NABP1: variants seen among roughly 807,000 people sequenced by gnomAD.
NABP1 encodes SOSS complex subunit B2.
Under a neutral mutation model 25.0 loss-of-function variants are expected in NABP1, and 18 were observed. The observed-to-expected ratio is 0.72, with a 90% CI of 0.50 to 1.07. The LOEUF is 1.07. NABP1 is among the 50% of genes least tolerant of loss of function. The pLI is 0.00. For synonymous variants in NABP1, 71 were observed against 85.0 expected (o/e 0.84, Z 0.91); for missense variants, 270 against 255.6 (o/e 1.06, Z -0.39).
Position 191,678,580 on chromosome 2 carries a change from C to G in NABP1, c.-35C>G. On this transcript the variant is annotated 5_prime_UTR_variant, in exon 1 of 6. Transcript: ENST00000425611. The stretch of plus-strand genomic sequence containing the variant: ...AAGCTTTGACCCCGCCCTGCCCACT[C>G]GCGTCTCCGCAGCCGTAGCCGCGCC... 3 of 1,525,682 alleles carry G rather than the reference C, an allele frequency of 2.0e-6. No homozygotes were observed. The highest frequency in any genetic ancestry group is 1.4e-5 in the African/African-American group (1 of 72,998). 94.5% of individuals were successfully genotyped at this position (1,525,682 alleles called of 1,614,324 possible).
At chr2:191,678,804 C>T (rs1402352089) in intron 1 of NABP1, 99 bp downstream of exon 1, 3 of 1,181,656 alleles carry the variant, frequency 2.5e-6, no homozygotes, top group East Asian at 4.7e-5. Context: ...CCTCCTCCTC[C>T]CTCCCCTCCC....
Position 191,686,073 on chromosome 2 carries a change from C to CTGT in NABP1, c.*305_*306insTGT. On this transcript the variant is annotated 3_prime_UTR_variant, in exon 6 of 6. Coordinates refer to ENST00000425611, the MANE Select transcript of NABP1 (RefSeq NM_001031716.5). ...GTTACTTAAGACATCAGCTTTATAG[C>CTGT]CTCTATGAGTCTATCTTCTGTATAA... The CTGT allele has an allele frequency of 4.1e-6, 1 of 241,016 alleles. No individual in the cohort carries two copies. The allele number at this position is 241,016 out of a possible 1,614,324, so 14.9% of individuals were successfully genotyped here. A position where few individuals can be genotyped will look rare whatever the true frequency, so the allele number is the denominator to read the frequency against.
At chr2:191,684,717 C>CATTTAACATG (rs1410674567) in intron 5 of NABP1, among the ~76,000 whole-genome samples, 9 of 152,258 alleles carry the variant, frequency 5.9e-5, no homozygotes, top group Non-Finnish European at 1.3e-4. Context: ...CCTCAGATGT[C>CATTTAACATG]ATTTAACATG....
rs772231585 is a variant in NABP1, at chr2:191,679,134, T to C, written c.230+6T>C. On this transcript the variant is annotated splice_donor_region_variant and intron_variant, in intron 2 of 5. Transcript: ENST00000425611. ...ATTATTCGGTTGACCAGAGGGTAGG[T>C]GTGCAAAAAAGTCGGGGGACCTAAC... 108 of 1,613,814 alleles carry C rather than the reference T, an allele frequency of 6.7e-5. No individual in the cohort carries two copies. The highest frequency in any genetic ancestry group is 8.7e-5 in the Non-Finnish European group (103 of 1,179,948).
At chr2:191,679,920 T>C (rs1687631467) in intron 2 of NABP1, among the ~76,000 whole-genome samples, 1 of 152,168 alleles carries the variant, frequency 6.6e-6, no homozygotes, top group Non-Finnish European at 1.5e-5. Flanking sequence ...AAATTTGTAC[T>C]TGGAAAAAGA....
chr2:191,682,284 G>A (rs1000273384), intron 3 of NABP1: 3 of 393,418 alleles, frequency 7.6e-6, no homozygotes, highest in South Asian at 5.3e-5. Context: ...CATTTCTGTA[G>A]GTTTTAGAAA....
chr2:191,682,083 A>G, intron 3 of NABP1, 66 bp downstream of exon 3: 1 of 1,017,392 alleles, frequency 9.8e-7, no homozygotes, highest in South Asian at 2.1e-5. Context: ...AATGATTGGT[A>G]GGTATGAATT....
At chr2:191,678,782 G>C (rs538580791) in intron 1 of NABP1, 77 bp downstream of exon 1, 1 of 1,402,936 alleles carries the variant, frequency 7.1e-7, no homozygotes, top group African/African-American at 1.4e-5. Flanking sequence ...GCCGCTGCGC[G>C]CCCGGGGCTC....
intron 2 of NABP1, among the ~76,000 whole-genome samples, chr2:191,681,537 A>G (rs895929750): frequency 6.6e-6 from 1 of 152,184 alleles, no homozygotes; most frequent in Non-Finnish European, 1.5e-5. Context: ...GAAAACTGTT[A>G]TATCATTATT....
chr2:191,679,470 G>T (rs1410625441), intron 2 of NABP1, among the ~76,000 whole-genome samples: 3 of 152,172 alleles, frequency 2.0e-5, no homozygotes, highest in Admixed American at 2.0e-4. Flanking sequence ...TCCGCCTCGC[G>T]GGTTCAAGAG....
At chr2:191,682,955 T>C (rs564329398) in intron 3 of NABP1, 1 of 182,098 alleles carries the variant, frequency 5.5e-6, no homozygotes, top group Non-Finnish European at 1.2e-5. Context: ...TGAAAGGTCT[T>C]AGTGTCTGTT....
rs1444985377 is a variant in NABP1 at position 191,683,615 on chromosome 2, G to A, written c.303-114G>A. On this transcript the variant is annotated intron_variant, in intron 3 of 5. Transcript: ENST00000425611. This position sits in a 1 kb window ranked among gnomAD's most constrained non-coding sequence, Gnocchi z 4.1. ...GTTGTAAATGAAGAGTTAGTTTGTT[G>A]CTATTAATTTGTTTGACACATAAGT... 2 of 705,394 alleles carry A rather than the reference G, an allele frequency of 2.8e-6. No individual in the cohort carries two copies. Among genetic ancestry groups the A allele is most frequent in the Admixed American group, 5.6e-5 (2 of 35,790 alleles). 43.7% of individuals were successfully genotyped at this position (705,394 alleles called of 1,614,324 possible). A position where few individuals can be genotyped will look rare whatever the true frequency, so the allele number is the denominator to read the frequency against.
rs781513296 is a variant in NABP1, at chr2:191,678,403, CTTTTTTTTTT to C, written c.-197_-188del. The C allele has an allele frequency of 1.5e-4, 36 of 242,014 alleles. 1 individual carries two copies. The East Asian group carries it at 2.0e-3, about 14-fold the overall frequency. The allele number at this position is 242,014 out of a possible 1,614,324, so 15.0% of individuals were successfully genotyped here. ...CTTTTTTTCTTTAGAACTTGTGAGC[CTTTTTTTTTT>C]TTTTTTTTTTTTTTCTTTTTTTAGG... On this transcript the variant is annotated 5_prime_UTR_variant, in exon 1 of 6. Transcript: ENST00000425611.
intron 2 of NABP1, among the ~76,000 whole-genome samples, chr2:191,680,294 A>C (rs972242575): frequency 5.3e-5 from 8 of 152,192 alleles, no homozygotes; most frequent in Non-Finnish European, 7.4e-5. Flanking sequence ...AATAAGTAGA[A>C]TCTTAGAAGT....
Position 191,685,737 on chromosome 2 carries a change from G to T in NABP1, c.584G>T (p.Gly195Val), listed in dbSNP as rs1364669933. The change falls in exon 6 of 6, where the codon GGC (glycine) becomes GTC (valine). Residue 195 changes from glycine (G) to valine (V), a missense_variant. Coordinates refer to ENST00000425611, the MANE Select transcript of NABP1 (RefSeq NM_001031716.5). ...ACAGTGATGACCACAATAAGTAATG[G>T]CAGGGACCCTCGGAGAGCCTTTAAA... ...NQTVMTTISN[G>V]RDPRRAFKR The T allele has an allele frequency of 6.2e-7, 1 of 1,613,982 alleles. No homozygotes were observed. Among genetic ancestry groups the T allele is most frequent in the Non-Finnish European group, 8.5e-7 (1 of 1,180,008 alleles).
intron 2 of NABP1, among the ~76,000 whole-genome samples, 191 bp downstream of exon 2, chr2:191,679,319 A>C (rs985142563): frequency 2.6e-5 from 4 of 152,168 alleles, no homozygotes; most frequent in African/African-American, 9.6e-5. Flanking sequence ...AGTGAAAGGC[A>C]GTCGGTTTCA....
At chr2:191,679,164 T>G in intron 2 of NABP1, 36 bp downstream of exon 2, 5 of 1,613,066 alleles carry the variant, frequency 3.1e-6, no homozygotes, top group Non-Finnish European at 4.2e-6. Context: ...CCTAACAGTC[T>G]GCAGAATCGG....
intron 2 of NABP1, among the ~76,000 whole-genome samples, chr2:191,681,737 T>G (rs1687691081): frequency 6.6e-6 from 1 of 152,208 alleles, no homozygotes; most frequent in Admixed American, 6.5e-5. Context: ...TAGATAATTA[T>G]GTCAAAATTC....
chr2:191,678,567 C>T lies in NABP1; in HGVS notation c.-48C>T, dbSNP rs1687568130. On this transcript the variant is annotated 5_prime_UTR_variant, in exon 1 of 6. Transcript: ENST00000425611. ...CCGGGAGGGTGGGAAGCTTTGACCC[C>T]GCCCTGCCCACTCGCGTCTCCGCAG... 2 of 1,427,800 alleles carry T rather than the reference C, an allele frequency of 1.4e-6. No homozygotes were observed. The highest frequency in any genetic ancestry group is 2.0e-6 in the Non-Finnish European group (2 of 1,024,504). The allele number at this position is 1,427,800 out of a possible 1,614,324, so 88.4% of individuals were successfully genotyped here. A position where few individuals can be genotyped will look rare whatever the true frequency, so the allele number is the denominator to read the frequency against.
Sources: gnomAD v4.1 joint callset for allele counts (sites outside exome capture counted in the v4.1 genomes callset) on GRCh38, gnomAD v4.1.1 for gene constraint, Gnocchi (gnomAD v3.1) non-coding constraint, MANE v1.5 for transcripts, NCBI Gene and HGNC (gene_info 2026-07-23, HGNC 2026-07-21) for gene names.